YPEL2: variants seen among roughly 807,000 people sequenced by gnomAD.
The protein encoded by YPEL2 is yippee like 2, also known as protein yippee-like 2.
Under a neutral mutation model 19.1 loss-of-function variants are expected in YPEL2, and 2 were observed. The ratio of observed to expected loss-of-function variants is 0.10; its 90% CI spans 0.04 to 0.33. YPEL2 has a LOEUF of 0.33. Among genes scored for constraint, YPEL2 ranks in the 10% least tolerant of loss-of-function variants. The pLI is 1.00. For missense variants in YPEL2, 66 were observed against 140.7 expected (o/e 0.47, Z 2.68); for synonymous variants, 52 against 50.0 (o/e 1.04, Z -0.17).
In YPEL2 at chr17:59,400,652, A is replaced by C. The variant is rs548572074; in HGVS notation, c.*3462A>C. ...ATTGGCTAGAAAAGAAAATAAATAAAACCAAGTTAATTTAGTAGTAACAAC... is the reference window on the plus strand; with the variant it reads ...ATTGGCTAGAAAAGAAAATAAATAACACCAAGTTAATTTAGTAGTAACAAC... On this transcript the variant is annotated 3_prime_UTR_variant, in exon 5 of 5. Transcript: ENST00000312655. 6.5e-6 allele frequency: 1 copy of C among 152,760 alleles called. No individual in the cohort carries two copies. The highest frequency in any genetic ancestry group is 2.1e-4 in the South Asian group (1 of 4,826). The allele number at this position is 152,760 out of a possible 1,614,324, so 9.5% of individuals were successfully genotyped here.
intron 1 of YPEL2, among the ~76,000 whole-genome samples, chr17:59,347,540 A>G (rs1598028668): frequency 2.0e-5 from 3 of 152,158 alleles, no homozygotes; most frequent in Admixed American, 6.6e-5. Flanking sequence ...CAGTGGGTGG[A>G]TTTGAGGGGG....
At chr17:59,363,415 C>A (rs2047852044) in intron 2 of YPEL2, 1 of 151,146 alleles carries the variant, frequency 6.6e-6, no homozygotes, top group Admixed American at 6.6e-5. Context: ...TCGAGCAATT[C>A]TCCTGCCTCA....
At chr17:59,387,345 G>A (rs538287982) in intron 2 of YPEL2, among the ~76,000 whole-genome samples, 1 of 150,648 alleles carries the variant, frequency 6.6e-6, no homozygotes, top group East Asian at 2.0e-4. Flanking sequence ...TGACAAAAAT[G>A]ATTGTCTCGC....
At chr17:59,392,256 G>A (rs2048011156) in intron 4 of YPEL2, among the ~76,000 whole-genome samples, 1 of 152,146 alleles carries the variant, frequency 6.6e-6, no homozygotes, top group African/African-American at 2.4e-5. Flanking sequence ...CTCCCCACTT[G>A]AGGTTCAGGT....
intron 2 of YPEL2, among the ~76,000 whole-genome samples, chr17:59,379,601 C>T (rs192528818): frequency 6.6e-6 from 1 of 152,206 alleles, no homozygotes; most frequent in Non-Finnish European, 1.5e-5. Context: ...AGGCTGGGGG[C>T]ACGGGAGACA....
At chr17:59,351,165 A>G (rs1213285736) in intron 1 of YPEL2, among the ~76,000 whole-genome samples, 1 of 152,170 alleles carries the variant, frequency 6.6e-6, no homozygotes, top group Non-Finnish European at 1.5e-5. Flanking sequence ...ACCTGATGTC[A>G]GGAGTTCAAG....
At chr17:59,394,447 G>A (rs2048027479) in intron 4 of YPEL2, among the ~76,000 whole-genome samples, 10 of 150,784 alleles carry the variant, frequency 6.6e-5, no homozygotes, top group Admixed American at 6.6e-4. Flanking sequence ...TCACTTCCTA[G>A]ATGGGATGGC....
intron 2 of YPEL2, among the ~76,000 whole-genome samples, chr17:59,361,240 C>T (rs1200674883): frequency 6.6e-6 from 1 of 152,158 alleles, no homozygotes; most frequent in African/African-American, 2.4e-5. Flanking sequence ...CCTATACTTG[C>T]TCTTATCATC....
At chr17:59,349,630 C>T (rs1351770394) in intron 1 of YPEL2, among the ~76,000 whole-genome samples, 5 of 151,914 alleles carry the variant, frequency 3.3e-5, no homozygotes, top group Admixed American at 6.6e-5. Flanking sequence ...GGCGTGACCA[C>T]CTTCCCCGGC....
chr17:59,394,538 G>A (rs942450473), intron 4 of YPEL2, among the ~76,000 whole-genome samples: 2 of 149,008 alleles, frequency 1.3e-5, no homozygotes, highest in African/African-American at 5.0e-5. Flanking sequence ...ATGGGCGGCC[G>A]GGCAGAGACG....
intron 4 of YPEL2, among the ~76,000 whole-genome samples, chr17:59,393,477 TA>T (rs1357199933): frequency 6.7e-6 from 1 of 150,264 alleles, no homozygotes; most frequent in Non-Finnish European, 1.5e-5. Context: ...TCTTTTTTTT[TA>T]TTTTTATTTT....
intron 1 of YPEL2, among the ~76,000 whole-genome samples, chr17:59,344,108 GGT>G (rs1212784426): frequency 1.3e-5 from 2 of 152,162 alleles, no homozygotes; most frequent in Non-Finnish European, 2.9e-5. Context: ...TGCCCAGGCT[GGT>G]CTGGAACTCC....
intron 2 of YPEL2, among the ~76,000 whole-genome samples, chr17:59,359,994 A>C (rs1185292023): frequency 6.6e-6 from 1 of 151,638 alleles, no homozygotes; most frequent in African/African-American, 2.4e-5. Flanking sequence ...CCGCCTCCTG[A>C]GTTCAAGAGA....
chr17:59,395,595 C>A (rs1448992267), intron 4 of YPEL2, among the ~76,000 whole-genome samples: 3 of 152,156 alleles, frequency 2.0e-5, no homozygotes, highest in Non-Finnish European at 4.4e-5. Context: ...CGTTCTCCCT[C>A]TGGGGGCCTG....
intron 2 of YPEL2, among the ~76,000 whole-genome samples, chr17:59,371,802 C>T (rs1167113096): frequency 6.6e-6 from 1 of 152,194 alleles, no homozygotes; most frequent in Non-Finnish European, 1.5e-5. Context: ...AATGAGATTA[C>T]TGCCTGGATG....
At chr17:59,347,768 A>C (rs550223184) in intron 1 of YPEL2, among the ~76,000 whole-genome samples, 18 of 152,288 alleles carry the variant, frequency 1.2e-4, no homozygotes, top group African/African-American at 4.1e-4. Context: ...AGATGCTTGA[A>C]GACAAGTTAA....
intron 1 of YPEL2, among the ~76,000 whole-genome samples, chr17:59,336,258 C>T (rs2047698336): frequency 6.6e-6 from 1 of 152,182 alleles, no homozygotes; most frequent in Non-Finnish European, 1.5e-5. Flanking sequence ...CTGCTTTTCA[C>T]AATAGTTTTC....
chr17:59,384,624 G>A (rs2047971354), intron 2 of YPEL2, among the ~76,000 whole-genome samples: 1 of 152,156 alleles, frequency 6.6e-6, no homozygotes, highest in East Asian at 1.9e-4. Context: ...GGCAATCCAT[G>A]TATTGTAACT....
At chr17:59,338,352 C>T (rs1381529214) in intron 1 of YPEL2, among the ~76,000 whole-genome samples, 1 of 152,176 alleles carries the variant, frequency 6.6e-6, no homozygotes, top group Non-Finnish European at 1.5e-5. Flanking sequence ...TTTGTTTTAC[C>T]TGATACGAAA....
Sources: gnomAD v4.1 joint callset for allele counts (sites outside exome capture counted in the v4.1 genomes callset) on GRCh38, gnomAD v4.1.1 for gene constraint, MANE v1.5 for transcripts, NCBI Gene and HGNC (gene_info 2026-07-23, HGNC 2026-07-21) for gene names.